The following RASGRP1 variants were observed in gnomAD, a reference collection of about 807,000 sequenced individuals.
RASGRP1 encodes the protein RAS guanyl releasing protein 1, also known as RAS guanyl-releasing protein 1.
A neutral mutation model predicts 95.1 loss-of-function variants in RASGRP1; 37 were observed. The observed-to-expected ratio is 0.39, with a 90% CI of 0.30 to 0.51. The LOEUF (loss-of-function observed/expected upper bound fraction) is 0.51. RASGRP1 is among the 20% of genes least tolerant of loss of function. RASGRP1 has a pLI of 0.80. For missense variants in RASGRP1, 711 were observed against 965.4 expected (o/e 0.74, Z 3.49); for synonymous variants, 325 against 353.4 (o/e 0.92, Z 0.90).
At chr15:38,502,618 G>A (rs550464684) in intron 11 of RASGRP1, among the ~76,000 whole-genome samples, 197 bp from the exon 12 acceptor site, 18 of 152,154 alleles carry the variant, frequency 1.2e-4, no homozygotes, top group African/African-American at 4.3e-4. Flanking sequence ...AGCAGCATGT[G>A]GGGGGTGGCC....
intron 13 of RASGRP1, among the ~76,000 whole-genome samples, chr15:38,500,817 T>A (rs1305778959): frequency 6.6e-6 from 1 of 152,192 alleles, no homozygotes; most frequent in Non-Finnish European, 1.5e-5. Flanking sequence ...GCCAAGGTTA[T>A]CTCCTAAAGA....
At chr15:38,502,221 T>C (rs909016118) in intron 12 of RASGRP1, 91 bp downstream of exon 12, 3 of 863,368 alleles carry the variant, frequency 3.5e-6, no homozygotes, top group Non-Finnish European at 3.7e-6. Flanking sequence ...CAGCAACATA[T>C]CTGAGTTTTC....
chr15:38,504,827 C>A (rs776458557), intron 10 of RASGRP1: 2 of 152,090 alleles, frequency 1.3e-5, no homozygotes, highest in Admixed American at 1.3e-4. Context: ...TACAATGTTA[C>A]AATTGTTCTG....
At chr15:38,519,875 T>A (rs891353956) in intron 3 of RASGRP1, among the ~76,000 whole-genome samples, 1 of 152,222 alleles carries the variant, frequency 6.6e-6, no homozygotes, top group African/African-American at 2.4e-5. Context: ...TATGTCATGA[T>A]AATGAAGAAC....
intron 2 of RASGRP1, among the ~76,000 whole-genome samples, chr15:38,547,864 C>T (rs188970133): frequency 1.8e-4 from 27 of 151,816 alleles, no homozygotes; most frequent in African/African-American, 4.1e-4. Flanking sequence ...TGTGCGCGCG[C>T]GCGTGTGTGT....
At chr15:38,516,436 G>T in intron 5 of RASGRP1, 86 bp from the exon 6 acceptor site, 1 of 1,465,692 alleles carries the variant, frequency 6.8e-7, no homozygotes, top group Non-Finnish European at 9.5e-7. Flanking sequence ...TTTCTCACAA[G>T]AATATACAAA....
At chr15:38,502,687 CT>C (rs1260790923) in intron 11 of RASGRP1, among the ~76,000 whole-genome samples, 2 of 152,172 alleles carry the variant, frequency 1.3e-5, no homozygotes, top group Non-Finnish European at 2.9e-5. Context: ...TCCTAGTTCA[CT>C]GCGCAGAGGG....
intron 2 of RASGRP1, among the ~76,000 whole-genome samples, chr15:38,530,720 G>C (rs761158728): frequency 8.0e-4 from 122 of 152,314 alleles, no homozygotes; most frequent in Non-Finnish European, 1.2e-3. Context: ...TCTTCCCATA[G>C]ATACTCATAT....
At chr15:38,507,063 C>G (rs1006702942) in intron 9 of RASGRP1, among the ~76,000 whole-genome samples, 1 of 152,162 alleles carries the variant, frequency 6.6e-6, no homozygotes, top group Admixed American at 6.5e-5. Context: ...AACTGTGTAA[C>G]TTTAGAACTG....
At chr15:38,513,961 A>G (rs1891652883) in intron 6 of RASGRP1, among the ~76,000 whole-genome samples, 1 of 152,200 alleles carries the variant, frequency 6.6e-6, no homozygotes, top group African/African-American at 2.4e-5. Flanking sequence ...TTGCCTTCCT[A>G]CTGCTGCAGA....
rs538853363 is a variant in RASGRP1, at chr15:38,563,168, T to G, written c.35+1426A>C. On this transcript the variant is annotated intron_variant, in intron 1 of 16. Coordinates refer to ENST00000310803, the MANE Select transcript of RASGRP1 (RefSeq NM_005739.4). ...CTTGTGAAAAATCCTCAAATCGTTC[T>G]GCCTTTTCTGGTGAAATGGGAGTAG... Among the ~76,000 whole-genome samples, 4 of 152,218 alleles carry G rather than the reference T, an allele frequency of 2.6e-5. No individual in the cohort carries two copies. In the East Asian group the frequency reaches 7.7e-4, roughly 29 times the overall value.
At chr15:38,537,208 A>T (rs1384660495) in intron 2 of RASGRP1, among the ~76,000 whole-genome samples, 8 of 152,182 alleles carry the variant, frequency 5.3e-5, no homozygotes, top group Non-Finnish European at 1.2e-4. Context: ...CTTGGCAGTT[A>T]GTTGGTGGCT....
At chr15:38,547,670 T>G (rs1048014395) in intron 2 of RASGRP1, among the ~76,000 whole-genome samples, 3 of 152,146 alleles carry the variant, frequency 2.0e-5, no homozygotes, top group African/African-American at 7.2e-5. Context: ...CTTTAAAATT[T>G]TTTACCATTA....
At chr15:38,519,396 G>T in intron 3 of RASGRP1, 25 bp from the exon 4 acceptor site, 1 of 1,493,052 alleles carries the variant, frequency 6.7e-7, no homozygotes, top group Non-Finnish European at 9.3e-7. Flanking sequence ...AAGGGAAATG[G>T]AGACCTCTGT....
intron 16 of RASGRP1, 47 bp downstream of exon 16, chr15:38,494,335 A>T: frequency 1.2e-6 from 2 of 1,602,510 alleles, no homozygotes; most frequent in Non-Finnish European, 1.7e-6. Context: ...GTTTGGCCCC[A>T]CTTCTCTAAG....
chr15:38,522,396 C>T (rs939412389), intron 3 of RASGRP1, among the ~76,000 whole-genome samples: 13 of 152,076 alleles, frequency 8.5e-5, no homozygotes, highest in Admixed American at 4.6e-4. Context: ...CATTGCAAAA[C>T]GGACTGAAGT....
chr15:38,559,029 A>G (rs1893695788), intron 2 of RASGRP1, among the ~76,000 whole-genome samples: 1 of 152,168 alleles, frequency 6.6e-6, no homozygotes. Context: ...GGTCCACAGG[A>G]GGAACAGGAA....
In RASGRP1 at chr15:38,559,915, G is replaced by C. The variant is rs532052951; in HGVS notation, c.126C>G (p.Ala42=). The C allele has an allele frequency of 6.2e-7, 1 of 1,613,754 alleles. No individual in the cohort carries two copies. The highest frequency in any genetic ancestry group is 2.2e-5 in the East Asian group (1 of 44,876). The change falls in exon 2 of 17, where the codon GCC becomes GCG. Residue 42 remains alanine, a synonymous_variant. Transcript: ENST00000310803. ...NSPFPSHPSL[A]HITQFRMMVS... ...CCATCATTCGGAACTGGGTGATGTG[G>C]GCCAAGCTGGGATGGGAGGGGAAGG...
intron 8 of RASGRP1, among the ~76,000 whole-genome samples, chr15:38,510,165 G>T (rs974590794): frequency 6.6e-6 from 1 of 152,166 alleles, no homozygotes; most frequent in Admixed American, 6.5e-5. Flanking sequence ...CCACCCTGAG[G>T]GTCAAGTAGC....
Sources: allele counts gnomAD v4.1 joint callset (sites outside exome capture counted in the v4.1 genomes callset), GRCh38; gene constraint gnomAD v4.1.1; transcripts MANE v1.5; gene names NCBI Gene and HGNC (gene_info 2026-07-23, HGNC 2026-07-21).